Variants in CFDP1 observed in about 807,000 individuals in gnomAD.
CFDP1 encodes chromatin remodeling protein CFDP1, also known as heterochromatin-stabilizing protein CFDP1.
CFDP1 carries 31 observed loss-of-function variants against 40.1 expected under a neutral mutation model. The ratio of observed to expected loss-of-function variants is 0.77; its 90% confidence interval spans 0.58 to 1.04. The LOEUF is 1.04. Among genes scored for constraint, CFDP1 ranks in the 50% least tolerant of loss-of-function variants. The pLI is 0.00. For missense variants in CFDP1, 423 were observed against 343.4 expected (o/e 1.23, Z -1.83); for synonymous variants, 167 against 120.0 (o/e 1.39, Z -2.56).
intron 5 of CFDP1, among the ~76,000 whole-genome samples, chr16:75,308,389 C>G (rs1251928097): frequency 4.6e-5 from 7 of 152,206 alleles, no homozygotes; most frequent in Non-Finnish European, 1.0e-4. Flanking sequence ...AAACTCCCTG[C>G]ACTCAAAATC....
intron 5 of CFDP1, among the ~76,000 whole-genome samples, chr16:75,313,966 C>T (rs1157231222): frequency 6.6e-6 from 1 of 152,122 alleles, no homozygotes; most frequent in East Asian, 1.9e-4. Context: ...CTCACCGCAA[C>T]CTCCGCCGCC....
chr16:75,390,358 G>A (rs764353826), intron 5 of CFDP1, among the ~76,000 whole-genome samples: 71 of 152,336 alleles, frequency 4.7e-4, no homozygotes, highest in African/African-American at 1.2e-3. Context: ...CCTGCACAGC[G>A]CAGTTTTGGA....
At chr16:75,356,041 C>T (rs898368074) in intron 5 of CFDP1, among the ~76,000 whole-genome samples, 2 of 152,194 alleles carry the variant, frequency 1.3e-5, no homozygotes, top group African/African-American at 4.8e-5. Flanking sequence ...TTGGAATAAA[C>T]TTCTTCTAAA....
intron 6 of CFDP1, among the ~76,000 whole-genome samples, chr16:75,294,604 T>C (rs748567312): frequency 4.6e-5 from 7 of 152,198 alleles, no homozygotes; most frequent in African/African-American, 1.2e-4. Context: ...GTTCATAAAG[T>C]GCACACTTTA....
chr16:75,394,890 G>C, intron 5 of CFDP1, 200 bp downstream of exon 5: 1 of 575,854 alleles, frequency 1.7e-6, no homozygotes, highest in Non-Finnish European at 2.8e-6. Flanking sequence ...CAAACTCCTG[G>C]GTTCAAGCAA....
intron 5 of CFDP1, among the ~76,000 whole-genome samples, chr16:75,328,755 T>A (rs551346840): frequency 1.1e-4 from 17 of 151,156 alleles, no homozygotes; most frequent in Admixed American, 2.0e-4. Flanking sequence ...CTTGGCTCAA[T>A]GCAACCTCTG....
At chr16:75,369,074 G>C (rs2078734840) in intron 5 of CFDP1, among the ~76,000 whole-genome samples, 1 of 152,018 alleles carries the variant, frequency 6.6e-6, no homozygotes, top group Non-Finnish European at 1.5e-5. Flanking sequence ...TCAAATTCAA[G>C]GTTTGGTTAA....
intron 4 of CFDP1, among the ~76,000 whole-genome samples, chr16:75,409,004 T>G (rs1356738945): frequency 6.6e-6 from 1 of 151,756 alleles, no homozygotes; most frequent in Non-Finnish European, 1.5e-5. Flanking sequence ...ATTACAGACG[T>G]GCACCACCAC....
intron 5 of CFDP1, among the ~76,000 whole-genome samples, chr16:75,353,251 G>A (rs2078624749): frequency 6.6e-6 from 1 of 152,136 alleles, no homozygotes; most frequent in Non-Finnish European, 1.5e-5. Flanking sequence ...TTTAAACACT[G>A]ACTGGGTATT....
chr16:75,320,766 T>C (rs564478210), intron 5 of CFDP1, among the ~76,000 whole-genome samples: 167 of 152,330 alleles, frequency 1.1e-3, no homozygotes, highest in African/African-American at 3.2e-3. Flanking sequence ...ATATGGGACA[T>C]TGATGGTCTC....
chr16:75,416,799 C>G (rs576013020), intron 1 of CFDP1, among the ~76,000 whole-genome samples: 1 of 151,874 alleles, frequency 6.6e-6, no homozygotes, highest in Non-Finnish European at 1.5e-5. Context: ...TGAGAAGGAG[C>G]CAGCTGTGTG....
intron 5 of CFDP1, among the ~76,000 whole-genome samples, chr16:75,331,159 T>C (rs2078443581): frequency 6.6e-6 from 1 of 152,198 alleles, no homozygotes; most frequent in African/African-American, 2.4e-5. Context: ...ATTCGTGCAA[T>C]GACAGCAGGG....
chr16:75,333,918 T>C (rs2151516560), intron 5 of CFDP1, among the ~76,000 whole-genome samples: 1 of 152,366 alleles, frequency 6.6e-6, no homozygotes, highest in African/African-American at 2.4e-5. Context: ...AAGGAAGTTA[T>C]GGTGGTTAGA....
chr16:75,400,101 C>CAA (rs71276627), intron 4 of CFDP1, among the ~76,000 whole-genome samples: 1,071 of 59,094 alleles, frequency 0.018, 14 homozygotes, highest in African/African-American at 0.028. Flanking sequence ...AACTCCATCT[C>CAA]AAAAAAAAAA....
chr16:75,341,943 C>T (rs1006485968), intron 5 of CFDP1, among the ~76,000 whole-genome samples: 1 of 152,172 alleles, frequency 6.6e-6, no homozygotes, highest in African/African-American at 2.4e-5. Flanking sequence ...ACTTCCCTTT[C>T]CTGCAAAAGA....
At chr16:75,336,544 C>T (rs1042142045) in intron 5 of CFDP1, among the ~76,000 whole-genome samples, 19 of 152,268 alleles carry the variant, frequency 1.2e-4, no homozygotes, top group Admixed American at 2.6e-4. Context: ...GCATATACCC[C>T]TCTTTAACAA....
intron 5 of CFDP1, among the ~76,000 whole-genome samples, chr16:75,330,526 T>C (rs781073923): frequency 4.6e-5 from 7 of 152,164 alleles, no homozygotes; most frequent in Non-Finnish European, 2.9e-5. Context: ...AAGGTGCAGG[T>C]TGCAGTGAGC....
At chr16:75,400,101 CAA>C (rs71276627) in intron 4 of CFDP1, among the ~76,000 whole-genome samples, 27 of 59,282 alleles carry the variant, frequency 4.6e-4, no homozygotes, top group Non-Finnish European at 5.5e-4. Context: ...AACTCCATCT[CAA>C]AAAAAAAAAA....
At chr16:75,426,910 C>A (rs1480202512) in intron 1 of CFDP1, among the ~76,000 whole-genome samples, 2 of 151,860 alleles carry the variant, frequency 1.3e-5, no homozygotes, top group Non-Finnish European at 2.9e-5. Context: ...CAAAAATTAG[C>A]TGGGTGTGGT....
Sources: allele counts gnomAD v4.1 joint callset (sites outside exome capture counted in the v4.1 genomes callset), GRCh38; gene constraint gnomAD v4.1.1; transcripts MANE v1.5; gene names NCBI Gene and HGNC (gene_info 2026-07-23, HGNC 2026-07-21).